The following CLSTN2 variants were observed in gnomAD, a reference collection of about 807,000 sequenced individuals.
The protein encoded by CLSTN2 is calsyntenin-2.
In CLSTN2, 48 loss-of-function variants were observed where a neutral mutation model predicts 101.2. The ratio of observed to expected loss-of-function variants is 0.47; its 90% CI spans 0.38 to 0.60. The LOEUF (loss-of-function observed/expected upper bound fraction) is 0.60. Ranked by LOEUF, CLSTN2 falls within the 20% of genes least tolerant of loss-of-function variation. The probability of loss-of-function intolerance (pLI) is 0.00; values close to 1 mark genes in which losing one functional copy is unlikely to be tolerated. For missense variants in CLSTN2, 1,160 were observed against 1,238.2 expected (o/e 0.94, Z 0.95); for synonymous variants, 481 against 463.6 (o/e 1.04, Z -0.48).
chr3:140,137,386 C>G (rs2009631248), intron 1 of CLSTN2, among the ~76,000 whole-genome samples: 1 of 151,598 alleles, frequency 6.6e-6, no homozygotes, highest in Admixed American at 6.6e-5. Context: ...GAGCATAGAT[C>G]AAGGATCACC....
chr3:140,149,746 C>T (rs776355380), intron 1 of CLSTN2, among the ~76,000 whole-genome samples: 9 of 152,172 alleles, frequency 5.9e-5, no homozygotes, highest in Non-Finnish European at 1.0e-4. Context: ...CATGAGCCAC[C>T]GCGCCTGGCC....
chr3:140,187,252 A>G (rs999798286), intron 2 of CLSTN2, among the ~76,000 whole-genome samples: 1 of 152,090 alleles, frequency 6.6e-6, no homozygotes, highest in African/African-American at 2.4e-5. Flanking sequence ...CACCAGCCTC[A>G]TATGTAGCAG....
At chr3:140,427,231 A>ATATATATG (rs2088581111) in intron 5 of CLSTN2, among the ~76,000 whole-genome samples, 2 of 102,266 alleles carry the variant, frequency 2.0e-5, no homozygotes, top group African/African-American at 1.1e-4. Context: ...ATATGTGTGT[A>ATATATATG]TATATATATA....
At chr3:140,274,019 C>T (rs2086769550) in intron 2 of CLSTN2, among the ~76,000 whole-genome samples, 1 of 152,148 alleles carries the variant, frequency 6.6e-6, no homozygotes, top group South Asian at 2.1e-4. Flanking sequence ...AAGGTTACAG[C>T]TCAGCCTCCT....
chr3:140,067,843 C>T (rs2008324029), intron 1 of CLSTN2, among the ~76,000 whole-genome samples: 1 of 152,190 alleles, frequency 6.6e-6, no homozygotes, highest in Admixed American at 6.5e-5. Flanking sequence ...CCTCATCCTG[C>T]TGCCTTCCTA....
At chr3:139,944,154 G>T (rs1264031444) in intron 1 of CLSTN2, among the ~76,000 whole-genome samples, 1 of 152,180 alleles carries the variant, frequency 6.6e-6, no homozygotes, top group Non-Finnish European at 1.5e-5. Flanking sequence ...AGTGAGATGT[G>T]CACTCTTATT....
At chr3:140,009,716 CA>C (rs1157166587) in intron 1 of CLSTN2, among the ~76,000 whole-genome samples, 2 of 152,096 alleles carry the variant, frequency 1.3e-5, no homozygotes, top group African/African-American at 2.4e-5. Context: ...ATTGCTGCAA[CA>C]AAAAAGTTCT....
At chr3:140,036,066 G>A (rs934680086) in intron 1 of CLSTN2, among the ~76,000 whole-genome samples, 2 of 152,178 alleles carry the variant, frequency 1.3e-5, no homozygotes, top group African/African-American at 4.8e-5. Context: ...TATACACTGT[G>A]TCTTTATCTG....
At chr3:140,529,880 A>T (rs1054259805) in intron 8 of CLSTN2, among the ~76,000 whole-genome samples, 14 of 152,160 alleles carry the variant, frequency 9.2e-5, no homozygotes, top group African/African-American at 3.4e-4. Flanking sequence ...AATGAGATAA[A>T]ATGTGTCCCT....
At chr3:140,337,287 AG>A (rs1423358615) in intron 2 of CLSTN2, among the ~76,000 whole-genome samples, 17 of 152,280 alleles carry the variant, frequency 1.1e-4, no homozygotes, top group African/African-American at 4.1e-4. Flanking sequence ...GTTCCTTCTG[AG>A]GGCTGTGCAA....
At chr3:140,422,392 A>C (rs2107992115) in intron 5 of CLSTN2, among the ~76,000 whole-genome samples, 1 of 152,302 alleles carries the variant, frequency 6.6e-6, no homozygotes, top group Non-Finnish European at 1.5e-5. Flanking sequence ...TTGGCAGGAC[A>C]TCATGGTACA....
intron 9 of CLSTN2, among the ~76,000 whole-genome samples, chr3:140,538,053 G>A (rs1935392255): frequency 9.6e-6 from 1 of 103,750 alleles, no homozygotes; most frequent in Non-Finnish European, 1.7e-5. Context: ...AAGCATGTTT[G>A]AAGAACTACA....
chr3:140,362,001 A>G (rs998584642), intron 2 of CLSTN2, among the ~76,000 whole-genome samples: 2 of 152,146 alleles, frequency 1.3e-5, no homozygotes, highest in African/African-American at 4.8e-5. Context: ...AAGGATCCAG[A>G]ATCTCCAGAA....
At chr3:140,107,868 A>G (rs1218129677) in intron 1 of CLSTN2, among the ~76,000 whole-genome samples, 2 of 152,212 alleles carry the variant, frequency 1.3e-5, no homozygotes. Flanking sequence ...CTGCAGAGAC[A>G]TAGGTGTCCA....
intron 1 of CLSTN2, among the ~76,000 whole-genome samples, chr3:140,015,850 C>G (rs940497313): frequency 1.3e-5 from 2 of 152,232 alleles, no homozygotes; most frequent in Non-Finnish European, 2.9e-5. Flanking sequence ...CTCTGCTCCA[C>G]CTTTCTGACC....
At chr3:140,331,722 C>G (rs1167829607) in intron 2 of CLSTN2, among the ~76,000 whole-genome samples, 1 of 152,198 alleles carries the variant, frequency 6.6e-6, no homozygotes, top group Admixed American at 6.5e-5. Context: ...GTAACCAAGG[C>G]AGTTAGTCTC....
chr3:139,998,874 A>G (rs2006755442), intron 1 of CLSTN2, among the ~76,000 whole-genome samples: 1 of 152,156 alleles, frequency 6.6e-6, no homozygotes, highest in Admixed American at 6.5e-5. Flanking sequence ...TCACACACAC[A>G]GGCTACATAA....
chr3:140,055,885 T>A (rs2008087212), intron 1 of CLSTN2, among the ~76,000 whole-genome samples: 1 of 152,164 alleles, frequency 6.6e-6, no homozygotes, highest in Non-Finnish European at 1.5e-5. Flanking sequence ...TGAGTGGGAA[T>A]ATAAGATGCA....
chr3:140,323,113 A>G (rs1031102507), intron 2 of CLSTN2, among the ~76,000 whole-genome samples: 4 of 152,206 alleles, frequency 2.6e-5, no homozygotes, highest in Non-Finnish European at 5.9e-5. Context: ...GGACTAAAGA[A>G]AGAAAGCCAG....
Sources: gnomAD v4.1 joint callset for allele counts (sites outside exome capture counted in the v4.1 genomes callset) on GRCh38, gnomAD v4.1.1 for gene constraint, MANE v1.5 for transcripts, NCBI Gene and HGNC (gene_info 2026-07-23, HGNC 2026-07-21) for gene names.